Variants in GRM5 observed in about 807,000 individuals in gnomAD.
GRM5 encodes the protein glutamate metabotropic receptor 5, also known as metabotropic glutamate receptor 5.
A neutral mutation model predicts 83.1 loss-of-function variants in GRM5; 19 were observed. The observed-to-expected ratio is 0.23, with a 90% CI of 0.16 to 0.34. The LOEUF (loss-of-function observed/expected upper bound fraction) is 0.34, where lower values mean the gene tolerates loss of function less well. Among genes scored for constraint, GRM5 ranks in the 10% least tolerant of loss-of-function variants. The probability of loss-of-function intolerance (pLI) is 1.00; values close to 1 mark genes in which losing one functional copy is unlikely to be tolerated. For missense variants in GRM5, 1,160 were observed against 1,588.3 expected, an observed-to-expected ratio of 0.73 and a Z score of 4.58; for synonymous variants, 675 against 633.6, an observed-to-expected ratio of 1.07 and a Z score of -0.98.
At position 88,583,296 on chromosome 11, in the gene GRM5, G is replaced by A. The variant is rs548502478; in HGVS notation, c.1690+7305C>T. Among the ~76,000 whole-genome samples the A allele has an allele frequency of 4.6e-5, 7 of 152,178 alleles. No individual in the cohort carries two copies. The South Asian group carries it at 6.2e-4, about 14-fold the overall frequency. On this transcript the variant is annotated intron_variant, in intron 7 of 9. Transcript: ENST00000305447. ...CCAACATCTCTTTGTTTAACTCTGC[G>A]GCTTTTTTCCTCTTAAGTGAAGAGA...
chr11:88,999,152 C>A (rs1385405297), intron 2 of GRM5, among the ~76,000 whole-genome samples: 1 of 152,162 alleles, frequency 6.6e-6, no homozygotes, highest in Non-Finnish European at 1.5e-5. Flanking sequence ...AAAACCTAGG[C>A]AATATCATTC....
At chr11:88,820,662 G>T (rs1943773278) in intron 3 of GRM5, among the ~76,000 whole-genome samples, 1 of 152,110 alleles carries the variant, frequency 6.6e-6, no homozygotes, top group Non-Finnish European at 1.5e-5. Flanking sequence ...TTGTTAATTT[G>T]TGATGAAAAT....
At chr11:88,873,502 TATCAG>T (rs1228092952) in intron 2 of GRM5, among the ~76,000 whole-genome samples, 5 of 151,672 alleles carry the variant, frequency 3.3e-5, no homozygotes, top group Admixed American at 1.3e-4. Flanking sequence ...GTTAAAATTA[TATCAG>T]ATAACTTTTC....
rs773144794 is a variant in GRM5, at chr11:89,047,336, C to T, written c.537G>A (p.Leu179=). 8 of 1,613,976 alleles carry T rather than the reference C, an allele frequency of 5.0e-6. No individual in the cohort carries two copies. The highest frequency in any genetic ancestry group is 5.9e-6 in the Non-Finnish European group (7 of 1,179,970). The change falls in exon 2 of 10, where the codon CTG becomes CTA. Residue 179 remains leucine (L), a synonymous_variant. Transcript: ENST00000305447. This position sits in a 1 kb window ranked among gnomAD's most constrained non-coding sequence, Gnocchi z 5.1. ...AATATTTGAACAGAGTCTTGTCACT[C>T]AGATCCATGCTGGTTGCTGAGTAAG... ...QIAYSATSMD[L]SDKTLFKYFM... is the part of the protein sequence containing the mutation.
chr11:88,556,896 C>CA (rs1942641967), intron 8 of GRM5, among the ~76,000 whole-genome samples: 3 of 151,182 alleles, frequency 2.0e-5, no homozygotes, highest in Admixed American at 2.0e-4. Context: ...GCCTATATAC[C>CA]AAAAAAAGAA....
chr11:88,641,690 G>A (rs900497320), intron 4 of GRM5, among the ~76,000 whole-genome samples: 2 of 152,142 alleles, frequency 1.3e-5, no homozygotes, highest in Non-Finnish European at 2.9e-5. Context: ...AACCCAGTAG[G>A]GGAGTTATCC....
rs139981050 is a variant in GRM5 at position 88,965,649 on chromosome 11, A to G, written c.661+81563T>C. On this transcript the variant is annotated intron_variant, in intron 2 of 9. Coordinates refer to ENST00000305447, the MANE Select transcript of GRM5 (RefSeq NM_001143831.3). Reference sequence around the variant, plus strand: ...GACAAGGTAGAATTCAGAACCAGGTATATATCATCAGGAGTAAAAAGGTAC... The same window carrying G: ...GACAAGGTAGAATTCAGAACCAGGTGTATATCATCAGGAGTAAAAAGGTAC... 2.9e-4 allele frequency among the ~76,000 whole-genome samples: 36 copies of G among 123,602 alleles called. No individual in the cohort carries two copies. The East Asian group carries it at 7.0e-3, about 24-fold the overall frequency. The allele number at this position is 123,602 out of a possible 152,430, so 81.1% of individuals were successfully genotyped here.
chr11:88,638,235 G>T (rs961329919), intron 4 of GRM5, among the ~76,000 whole-genome samples: 3 of 151,442 alleles, frequency 2.0e-5, no homozygotes, highest in African/African-American at 7.3e-5. Context: ...CAGCACACCA[G>T]CATGGCACAT....
intron 3 of GRM5, among the ~76,000 whole-genome samples, chr11:88,735,874 G>A (rs1352342494): frequency 6.6e-6 from 1 of 151,976 alleles, no homozygotes; most frequent in South Asian, 2.1e-4. Flanking sequence ...ATGAAGTGGT[G>A]TACTCGTGTA....
intron 3 of GRM5, among the ~76,000 whole-genome samples, chr11:88,691,741 G>A (rs898784917): frequency 1.3e-5 from 2 of 151,954 alleles, no homozygotes; most frequent in Non-Finnish European, 1.5e-5. Context: ...TGACTTACAC[G>A]CCCCAAAACC....
In GRM5 at chr11:88,504,828, A is replaced by G. The variant is rs1050726070; in HGVS notation, c.*3764T>C. On this transcript the variant is annotated 3_prime_UTR_variant, in exon 10 of 10. Coordinates refer to ENST00000305447, the MANE Select transcript of GRM5 (RefSeq NM_001143831.3). ...TAGTACAAGCTGCCACAACAGAGAA[A>G]GAACAGATACACGCACACAATTTTA... 6.6e-6 allele frequency: 1 copy of G among 152,212 alleles called. No individual in the cohort carries two copies. The highest frequency in any genetic ancestry group is 1.5e-5 in the Non-Finnish European group (1 of 68,012). The allele number at this position is 152,212 out of a possible 1,614,324, so 9.4% of individuals were successfully genotyped here.
At chr11:88,821,276 A>G (rs374558774) in intron 3 of GRM5, among the ~76,000 whole-genome samples, 25 of 149,092 alleles carry the variant, frequency 1.7e-4, no homozygotes, top group Middle Eastern at 7.1e-3. Context: ...CCTGTTTTCT[A>G]TTAAAAGGGT....
In GRM5 at chr11:89,048,275, G is replaced by C. The variant is rs575624530; in HGVS notation, c.-200-203C>G. ...TGATGTAGCTTCTTGACCCTGCCTT[G>C]CTTAGATTAATAGTCTTTTTTTGTT... On this transcript the variant is annotated intron_variant, in intron 1 of 9. Coordinates refer to ENST00000305447, the MANE Select transcript of GRM5 (RefSeq NM_001143831.3). 1.1e-3 allele frequency among the ~76,000 whole-genome samples: 166 copies of C among 152,260 alleles called. 1 individual carries two copies. The highest frequency in any genetic ancestry group is 3.9e-3 in the African/African-American group (160 of 41,554).
At chr11:88,546,703 C>T (rs182004824) in intron 8 of GRM5, among the ~76,000 whole-genome samples, 46 of 151,998 alleles carry the variant, frequency 3.0e-4, no homozygotes, top group East Asian at 2.5e-3. Context: ...AAGCTTGATG[C>T]GTGGGGATAA....
At chr11:88,768,617 C>G (rs1374878669) in intron 3 of GRM5, among the ~76,000 whole-genome samples, 2 of 92,988 alleles carry the variant, frequency 2.2e-5, no homozygotes, top group African/African-American at 8.6e-5. Flanking sequence ...TATGAACCAC[C>G]TATAAAAATT....
intron 2 of GRM5, among the ~76,000 whole-genome samples, chr11:88,951,573 G>A (rs1032051687): frequency 6.6e-6 from 1 of 152,190 alleles, no homozygotes; most frequent in African/African-American, 2.4e-5. Context: ...GTTCAATAGA[G>A]AAAGAGCATA....
intron 2 of GRM5, among the ~76,000 whole-genome samples, chr11:88,916,265 A>T (rs1945590101): frequency 6.6e-6 from 1 of 152,174 alleles, no homozygotes; most frequent in Non-Finnish European, 1.5e-5. Context: ...GAAAGAAGGT[A>T]GGAAAGACAG....
chr11:88,801,221 T>C (rs3850941), intron 3 of GRM5, among the ~76,000 whole-genome samples: 61,394 of 151,886 alleles, frequency 0.4, 14,073 homozygotes, highest in African/African-American at 0.61. Flanking sequence ...ATAAGAAAAG[T>C]ACATTGCCAT....
chr11:88,519,043 G>A (rs1482188990), intron 9 of GRM5, among the ~76,000 whole-genome samples: 2 of 148,722 alleles, frequency 1.3e-5, no homozygotes, highest in African/African-American at 2.5e-5. Context: ...AATATCGGAT[G>A]TAAAGGTAAA....
Sources: allele counts gnomAD v4.1 joint callset (sites outside exome capture counted in the v4.1 genomes callset), GRCh38; gene constraint gnomAD v4.1.1; non-coding constraint Gnocchi (gnomAD v3.1); transcripts MANE v1.5; gene names NCBI Gene and HGNC (gene_info 2026-07-23, HGNC 2026-07-21).